The following SLC22A25 variants were observed in gnomAD, a reference collection of about 807,000 sequenced individuals.
SLC22A25 encodes the protein MGI:2442751, MGI:2385316, MGI:3042283, MGI:3645714, MGI:3605624, MGI:2442750.
Under a neutral mutation model 45.9 loss-of-function variants are expected in SLC22A25, and 44 were observed. The ratio of observed to expected loss-of-function variants is 0.96; its 90% CI spans 0.75 to 1.23. SLC22A25 has a LOEUF of 1.23. Ranked by LOEUF, SLC22A25 falls within the 50% of genes most tolerant of loss-of-function variation. The probability of loss-of-function intolerance (pLI) is 0.00; values close to 1 mark genes in which losing one functional copy is unlikely to be tolerated. For synonymous variants in SLC22A25, 283 were observed against 238.6 expected, an observed-to-expected ratio of 1.19 and a Z score of -1.72; for missense variants, 800 against 666.4, an observed-to-expected ratio of 1.20 and a Z score of -2.21.
intron 5 of SLC22A25, chr11:63,218,000 G>C (rs1052835968): frequency 4.9e-6 from 3 of 607,510 alleles, no homozygotes; most frequent in African/African-American, 3.6e-5. Flanking sequence ...TGTAAGACAG[G>C]CTGGGATGTT....
At position 63,220,143 on chromosome 11, in the gene SLC22A25, C is replaced by A. The variant is rs529302984; in HGVS notation, c.507-2408G>T. On this transcript the variant is annotated intron_variant, in intron 5 of 11. Coordinates refer to ENST00000306494, the MANE Select transcript of SLC22A25 (RefSeq NM_199352.6). ...TTGTAAGGTAGAGGTTGTAATACCTCTAAAAAGCTGTTTTTGCAAAGACAA... is the reference window on the plus strand; with the variant it reads ...TTGTAAGGTAGAGGTTGTAATACCTATAAAAAGCTGTTTTTGCAAAGACAA... The A allele has an allele frequency of 5.4e-6, 3 of 557,090 alleles. No homozygotes were observed. The South Asian group carries it at 5.5e-5, about 10-fold the overall frequency. The allele number at this position is 557,090 out of a possible 1,614,324, so 34.5% of individuals were successfully genotyped here. A position where few individuals can be genotyped will look rare whatever the true frequency, so the allele number is the denominator to read the frequency against.
chr11:63,220,870 T>A (rs2089837481), intron 5 of SLC22A25, among the ~76,000 whole-genome samples: 1 of 152,204 alleles, frequency 6.6e-6, no homozygotes, highest in Non-Finnish European at 1.5e-5. Context: ...AGTGAGAACA[T>A]GTGAAGTTTG....
At chr11:63,167,607 CCT>C (rs1319465936) in intron 9 of SLC22A25, 1 of 152,582 alleles carries the variant, frequency 6.6e-6, no homozygotes, top group Non-Finnish European at 1.5e-5. Context: ...GGCCAGACTG[CCT>C]CTCTAGATTC....
intron 7 of SLC22A25, among the ~76,000 whole-genome samples, chr11:63,196,128 A>C (rs2089018570): frequency 6.6e-6 from 1 of 152,184 alleles, no homozygotes; most frequent in African/African-American, 2.4e-5. Flanking sequence ...TCCAACCAAA[A>C]AAAGTCCAGG....
chr11:63,188,760 G>C (rs2088670831), intron 7 of SLC22A25, among the ~76,000 whole-genome samples: 1 of 151,954 alleles, frequency 6.6e-6, no homozygotes, highest in African/African-American at 2.4e-5. Flanking sequence ...TGTTCTCGTT[G>C]GCTTCAAAGA....
At chr11:63,181,964 C>T (rs754028212) in intron 8 of SLC22A25, among the ~76,000 whole-genome samples, 3 of 152,016 alleles carry the variant, frequency 2.0e-5, no homozygotes, top group Admixed American at 6.6e-5. Context: ...ATGAATGTTA[C>T]GTACTGAACT....
intron 5 of SLC22A25, among the ~76,000 whole-genome samples, 188 bp downstream of exon 5, chr11:63,228,273 G>A (rs976686818): frequency 4.6e-5 from 7 of 152,110 alleles, no homozygotes; most frequent in African/African-American, 1.7e-4. Flanking sequence ...TGTGTCTTGT[G>A]CACAGCACAC....
intron 5 of SLC22A25, among the ~76,000 whole-genome samples, chr11:63,223,171 C>A (rs1276664426): frequency 6.6e-6 from 1 of 151,796 alleles, no homozygotes; most frequent in Non-Finnish European, 1.5e-5. Flanking sequence ...TCCTCTGTTT[C>A]TATTTTTTGG....
At chr11:63,211,012 G>C (rs1219809149) in intron 7 of SLC22A25, among the ~76,000 whole-genome samples, 1 of 152,150 alleles carries the variant, frequency 6.6e-6, no homozygotes, top group Non-Finnish European at 1.5e-5. Context: ...TGTCCCAAGG[G>C]CTGAGGAGTG....
intron 7 of SLC22A25, among the ~76,000 whole-genome samples, chr11:63,206,913 G>A (rs1207609937): frequency 6.6e-6 from 1 of 152,138 alleles, no homozygotes; most frequent in Admixed American, 6.5e-5. Context: ...AAACAGCATG[G>A]CAGTGGTACC....
intron 3 of SLC22A25, among the ~76,000 whole-genome samples, chr11:63,234,926 G>A (rs192982650): frequency 1.8e-4 from 28 of 152,242 alleles, no homozygotes; most frequent in Admixed American, 1.6e-3. Context: ...TGAAATTCTG[G>A]GTTGAAAATT....
intron 9 of SLC22A25, 117 bp downstream of exon 9, chr11:63,180,543 G>T: frequency 1.5e-6 from 1 of 689,352 alleles, no homozygotes; most frequent in Non-Finnish European, 2.4e-6. Context: ...TCTCTTTATG[G>T]ATTTATCATC....
At chr11:63,173,899 C>CTTT (rs561742765) in intron 9 of SLC22A25, among the ~76,000 whole-genome samples, 1 of 140,728 alleles carries the variant, frequency 7.1e-6, no homozygotes, top group Non-Finnish European at 1.6e-5. Flanking sequence ...ATTTTCTTTT[C>CTTT]TTTTTTTTTT....
At chr11:63,198,726 GAAAA>G (rs1401353857) in intron 7 of SLC22A25, among the ~76,000 whole-genome samples, 3 of 151,616 alleles carry the variant, frequency 2.0e-5, no homozygotes, top group Non-Finnish European at 2.9e-5. Flanking sequence ...ATAAAAAAAA[GAAAA>G]AAGAAATCAA....
chr11:63,199,024 A>C (rs1415447931), intron 7 of SLC22A25, among the ~76,000 whole-genome samples: 1 of 152,150 alleles, frequency 6.6e-6, no homozygotes, highest in African/African-American at 2.4e-5. Flanking sequence ...AATAAATCCC[A>C]AAACTAGAAG....
intron 7 of SLC22A25, among the ~76,000 whole-genome samples, chr11:63,187,655 C>T (rs2088614500): frequency 6.6e-6 from 1 of 152,146 alleles, no homozygotes; most frequent in Admixed American, 6.6e-5. Context: ...GGTTTTTGCC[C>T]ATTCAGTATG....
intron 7 of SLC22A25, among the ~76,000 whole-genome samples, chr11:63,193,229 A>G (rs1210750615): frequency 2.0e-5 from 3 of 151,644 alleles, no homozygotes; most frequent in East Asian, 1.9e-4. Flanking sequence ...TCCCAGCATG[A>G]GTGATGAAGA....
chr11:63,185,954 T>A (rs896099708), intron 7 of SLC22A25, among the ~76,000 whole-genome samples: 44 of 151,978 alleles, frequency 2.9e-4, no homozygotes, highest in Non-Finnish European at 5.4e-4. Flanking sequence ...TGTTGGACAT[T>A]TGGGTTGGTT....
intron 3 of SLC22A25, among the ~76,000 whole-genome samples, chr11:63,232,026 G>C (rs1271772986): frequency 6.6e-6 from 1 of 152,180 alleles, no homozygotes; most frequent in African/African-American, 2.4e-5. Context: ...TGCTGTTTTG[G>C]TTACTGTAGC....
Sources: gnomAD v4.1 joint callset for allele counts (sites outside exome capture counted in the v4.1 genomes callset) on GRCh38, gnomAD v4.1.1 for gene constraint, MANE v1.5 for transcripts, NCBI Gene and HGNC (gene_info 2026-07-23, HGNC 2026-07-21) for gene names.